Variants in TNRC6A observed in about 807,000 individuals in gnomAD.
TNRC6A encodes trinucleotide repeat containing adaptor 6A.
In TNRC6A, 44 loss-of-function variants were observed where a neutral mutation model predicts 221.2. The observed-to-expected ratio is 0.20, with a 90% CI of 0.16 to 0.26. The LOEUF (loss-of-function observed/expected upper bound fraction) is 0.26. TNRC6A is among the 10% of genes least tolerant of loss of function. The probability of loss-of-function intolerance (pLI) is 1.00; values close to 1 mark genes in which losing one functional copy is unlikely to be tolerated. For missense variants in TNRC6A, 2,199 were observed against 2,404.4 expected (o/e 0.91, Z 1.79); for synonymous variants, 847 against 838.5 (o/e 1.01, Z -0.18).
intron 2 of TNRC6A, among the ~76,000 whole-genome samples, chr16:24,710,647 GT>G (rs1293441454): frequency 6.6e-6 from 1 of 151,726 alleles, no homozygotes; most frequent in Admixed American, 6.6e-5. Context: ...GGTGGTATCT[GT>G]TTTTCCTTTT....
At chr16:24,705,650 C>T (rs2056081021) in intron 2 of TNRC6A, among the ~76,000 whole-genome samples, 1 of 152,114 alleles carries the variant, frequency 6.6e-6, no homozygotes, top group Non-Finnish European at 1.5e-5. Flanking sequence ...ATTCTTAATA[C>T]TGGTTAAATG....
At chr16:24,785,722 C>T (rs1022528908) in intron 5 of TNRC6A, among the ~76,000 whole-genome samples, 1 of 152,120 alleles carries the variant, frequency 6.6e-6, no homozygotes. Flanking sequence ...GGATCCATTT[C>T]TTTATTTTCC....
At chr16:24,692,442 C>T (rs907274324) in intron 2 of TNRC6A, among the ~76,000 whole-genome samples, 16 of 151,836 alleles carry the variant, frequency 1.1e-4, no homozygotes, top group African/African-American at 3.4e-4. Flanking sequence ...TGGTGGTGGG[C>T]GCCTGTAGTC....
chr16:24,728,062 C>A (rs1425593659), upstream of TNRC6A, among the ~76,000 whole-genome samples: 1 of 152,174 alleles, frequency 6.6e-6, no homozygotes, highest in African/African-American at 2.4e-5. Flanking sequence ...TCTGTGCATT[C>A]ATTCACTAGC....
chr16:24,670,954 C>A, intron 2 of TNRC6A: 1 of 405,758 alleles, frequency 2.5e-6, no homozygotes, highest in Non-Finnish European at 5.1e-6. Context: ...TACCAGCACC[C>A]CCAGGCCATC....
rs749094143 is a variant in TNRC6A at position 24,806,633 on chromosome 16, C to G, written c.4389C>G (p.Asn1463Lys). ...AACAATCTCGTCAACTTGATCCAAA[C>G]CTGTTGGTGAAGCAGCAGACTCCAC... ...MMQQSRQLDP[N>K]LLVKQQTPPS... is the part of the protein sequence containing the mutation. The change falls in exon 17 of 25, where the codon AAC becomes AAG. Residue 1463 changes from asparagine to lysine, a missense_variant. Asn to Lys is a moderately conservative substitution (Grantham distance 94, BLOSUM62 0). Transcript: ENST00000395799. 2.5e-6 allele frequency: 4 copies of G among 1,614,204 alleles called. No homozygotes were observed. In the South Asian group the frequency reaches 3.3e-5, roughly 13 times the overall value.
chr16:24,638,341 C>T (rs1901747631), intron 1 of TNRC6A, among the ~76,000 whole-genome samples: 1 of 152,142 alleles, frequency 6.6e-6, no homozygotes, highest in Admixed American at 6.5e-5. Flanking sequence ...TTGCTTGAAC[C>T]TGGGAGGTTC....
intron 2 of TNRC6A, among the ~76,000 whole-genome samples, chr16:24,738,109 T>C (rs930860621): frequency 2.6e-5 from 4 of 152,226 alleles, no homozygotes; most frequent in African/African-American, 9.6e-5. Context: ...TCAGTCACTA[T>C]TTCTTAGAAA....
chr16:24,612,761 A>G (rs1900119505), intron 1 of TNRC6A, among the ~76,000 whole-genome samples: 1 of 151,792 alleles, frequency 6.6e-6, no homozygotes, highest in Non-Finnish European at 1.5e-5. Flanking sequence ...GAAAAAAAAT[A>G]GCTGTCCAAC....
In TNRC6A at chr16:24,820,177, T is replaced by G; in HGVS notation, c.5119T>G (p.Ser1707Ala). ...TTCCAAATTGACATGGTCTCCTGGT[T>G]CAGTTACAAACACCTCTCTGGCTCA... ...SDSKLTWSPG[S>A]VTNTSLAHEL... The change falls in exon 22 of 25, where the codon TCA becomes GCA. Residue 1707 changes from serine (S) to alanine (A), a missense_variant. Physicochemically the swap from Ser to Ala is moderately conservative, Grantham distance 99. Transcript: ENST00000395799. 6.2e-7 allele frequency: 1 copy of G among 1,614,170 alleles called. No individual in the cohort carries two copies. Among genetic ancestry groups the G allele is most frequent in the East Asian group, 2.2e-5 (1 of 44,878 alleles).
At chr16:24,806,057 C>A (rs1233768634) in intron 15 of TNRC6A, 149 bp from the exon 16 acceptor site, 8 of 854,042 alleles carry the variant, frequency 9.4e-6, no homozygotes, top group Non-Finnish European at 1.4e-5. Flanking sequence ...CCAGAGAGTC[C>A]AAGGAAGAGA....
chr16:24,699,344 G>T (rs561907234), intron 2 of TNRC6A, among the ~76,000 whole-genome samples: 1 of 152,254 alleles, frequency 6.6e-6, no homozygotes, highest in South Asian at 2.1e-4. Flanking sequence ...CAACCCAGGA[G>T]GACTTCCAGG....
intron 2 of TNRC6A, among the ~76,000 whole-genome samples, chr16:24,689,853 C>T (rs138961571): frequency 1.5e-3 from 227 of 151,908 alleles, no homozygotes; most frequent in African/African-American, 5.1e-3. Flanking sequence ...TGGGCTCAAG[C>T]GATCACCTGC....
chr16:24,631,494 G>A (rs932155282), intron 1 of TNRC6A, among the ~76,000 whole-genome samples: 3 of 152,076 alleles, frequency 2.0e-5, no homozygotes, highest in African/African-American at 7.2e-5. Flanking sequence ...CCTAGGGGCT[G>A]GGTGTGGTGA....
At position 24,800,006 on chromosome 16, in the gene TNRC6A, TTTTGTTTG is replaced by T. The variant is rs773775841; in HGVS notation, c.3694+2057_3694+2064del. On this transcript the variant is annotated intron_variant, in intron 11 of 24. Coordinates refer to ENST00000395799, the MANE Select transcript of TNRC6A (RefSeq NM_014494.4). Reference sequence around the variant, plus strand: ...TCAGTTACCCCAGCCAGTAGACTAGTTTTGTTTGTTTGTTTGTTTGTTTGCCTGCTAGT... The same window carrying T: ...TCAGTTACCCCAGCCAGTAGACTAGTTTTGTTTGTTTGTTTGCCTGCTAGT... 4.3e-4 allele frequency among the ~76,000 whole-genome samples: 66 copies of T among 152,166 alleles called. No individual in the cohort carries two copies. In the Middle Eastern group the frequency reaches 0.01, roughly 24 times the overall value.
chr16:24,717,918 G>A (rs1025224594), intron 2 of TNRC6A, among the ~76,000 whole-genome samples: 26 of 151,502 alleles, frequency 1.7e-4, no homozygotes, highest in African/African-American at 2.7e-4. Flanking sequence ...TTATAGGCGC[G>A]TGCCACCACC....
intron 11 of TNRC6A, among the ~76,000 whole-genome samples, chr16:24,799,357 C>T (rs2058285615): frequency 6.6e-6 from 1 of 152,180 alleles, no homozygotes; most frequent in Non-Finnish European, 1.5e-5. Flanking sequence ...CATATGTACT[C>T]TTCTGCACGC....
intron 20 of TNRC6A, among the ~76,000 whole-genome samples, chr16:24,817,595 A>G (rs535101040): frequency 6.6e-6 from 1 of 152,182 alleles, no homozygotes; most frequent in African/African-American, 2.4e-5. Context: ...TTTCACCTCA[A>G]GGCATTTAGA....
chr16:24,615,168 G>C (rs1449303808), intron 1 of TNRC6A, among the ~76,000 whole-genome samples: 2 of 152,172 alleles, frequency 1.3e-5, no homozygotes, highest in Non-Finnish European at 2.9e-5. Flanking sequence ...AACAAGTCTT[G>C]CTGCTGGATC....
Sources: allele counts gnomAD v4.1 joint callset (sites outside exome capture counted in the v4.1 genomes callset), GRCh38; gene constraint gnomAD v4.1.1; transcripts MANE v1.5; gene names NCBI Gene and HGNC (gene_info 2026-07-23, HGNC 2026-07-21).